KIF7: variants seen among roughly 807,000 people sequenced by gnomAD.
KIF7 encodes the protein kinesin-like protein KIF7.
In KIF7, 104 loss-of-function variants were observed where a neutral mutation model predicts 135.7. The observed-to-expected ratio is 0.77, with a 90% CI of 0.65 to 0.90. KIF7 has a LOEUF of 0.90. Among genes scored for constraint, KIF7 ranks in the 40% least tolerant of loss-of-function variants. KIF7 has a pLI of 0.00. For missense variants in KIF7, 2,005 were observed against 1,839.1 expected, an observed-to-expected ratio of 1.09 and a Z score of -1.65; for synonymous variants, 883 against 809.4, an observed-to-expected ratio of 1.09 and a Z score of -1.54.
In KIF7 at chr15:89,653,028, G is replaced by A. The variant is rs541432924; in HGVS notation, c.-24-74C>T. 2.1e-4 allele frequency: 251 copies of A among 1,196,090 alleles called. 1 individual carries two copies. Among genetic ancestry groups the A allele is most frequent in the East Asian group, 3.6e-4 (14 of 38,698 alleles). The allele number at this position is 1,196,090 out of a possible 1,614,324, so 74.1% of individuals were successfully genotyped here. On this transcript the variant is annotated intron_variant, in intron 1 of 18. Coordinates refer to ENST00000394412, the MANE Select transcript of KIF7 (RefSeq NM_198525.3). ...GCTGGACTCACCCTGCAGGGGACTC[G>A]AGCCAGATCCTGCAGCTCCTGACCT...
chr15:89,648,684 G>A lies in KIF7; in HGVS notation c.1014C>T (p.Asn338=), dbSNP rs1325314210. 1 of 1,536,064 alleles carries A rather than the reference G, an allele frequency of 6.5e-7. No individual in the cohort carries two copies. Among genetic ancestry groups the A allele is most frequent in the East Asian group, 2.4e-5 (1 of 40,892 alleles). The change falls in exon 5 of 19, where the codon AAC becomes AAT. Residue 338 remains asparagine (N), a synonymous_variant. Transcript: ENST00000394412. The part of the protein sequence containing the change: ...PSSSDFDETL[N]TLNYASRAQN... ...GGGCGCGGCTGGCGTAGTTGAGGGT[G>A]TTGAGGGTCTCGTCGAAGTCGGAGG...
At chr15:89,659,051 A>T (rs1005145641), upstream of KIF7, among the ~76,000 whole-genome samples, 1 of 152,126 alleles carries the variant, frequency 6.6e-6, no homozygotes, top group Non-Finnish European at 1.5e-5. Context: ...CAAAACTGCA[A>T]ACCACGAAGG....
intron 1 of KIF7, among the ~76,000 whole-genome samples, chr15:89,620,158 T>G (rs937190383): frequency 6.6e-6 from 1 of 152,180 alleles, no homozygotes; most frequent in Admixed American, 6.5e-5. Context: ...TATCTGTGTT[T>G]ACGTTCTTCA....
intron 1 of KIF7, among the ~76,000 whole-genome samples, chr15:89,619,540 C>T (rs971691959): frequency 1.3e-5 from 2 of 152,020 alleles, no homozygotes; most frequent in African/African-American, 4.8e-5. Flanking sequence ...TGTATCAAAC[C>T]CCTCTTAGTT....
chr15:89,642,269 A>G lies in KIF7; in HGVS notation c.2328T>C (p.Asp776=). 2 of 1,610,578 alleles carry G rather than the reference A, an allele frequency of 1.2e-6. No individual in the cohort carries two copies. The highest frequency in any genetic ancestry group is 1.7e-6 in the Non-Finnish European group (2 of 1,179,734). Residue 776 remains aspartate, a synonymous_variant, in exon 11 of 19, where the codon GAT becomes GAC. Coordinates refer to ENST00000394412, the MANE Select transcript of KIF7 (RefSeq NM_198525.3). ...CCTGGAGCCGAGACCGCTCGCCAGC[A>G]TCCTGGAGCTCCTTGCCCTCGAGCT... The part of the protein sequence containing the change: ...LRELEGKELQ[D]AGERSRLQEF...
At chr15:89,634,794 G>A (rs1056889770) in intron 11 of KIF7, among the ~76,000 whole-genome samples, 17 of 152,242 alleles carry the variant, frequency 1.1e-4, no homozygotes, top group Non-Finnish European at 2.4e-4. Context: ...AAACAAAGCA[G>A]CTGGGAAGCT....
At chr15:89,617,329 A>C (rs529520303) in intron 2 of KIF7, among the ~76,000 whole-genome samples, 1 of 152,158 alleles carries the variant, frequency 6.6e-6, no homozygotes, top group Non-Finnish European at 1.5e-5. Flanking sequence ...ATATATTTTT[A>C]ATTAAATTTT....
At chr15:89,646,525 G>A (rs1236980742) in intron 7 of KIF7, among the ~76,000 whole-genome samples, 4 of 152,128 alleles carry the variant, frequency 2.6e-5, no homozygotes, top group East Asian at 1.9e-4. Context: ...TGAGCTCTCC[G>A]TATGCAGAAG....
Position 89,632,978 on chromosome 15 carries a change from T to A in KIF7, c.2737A>T (p.Lys913Ter), listed in dbSNP as rs763217993. The A allele has an allele frequency of 8.1e-6, 12 of 1,487,720 alleles. No individual in the cohort carries two copies. In the African/African-American group the frequency reaches 1.2e-4, roughly 15 times the overall value. 92.2% of individuals were successfully genotyped at this position (1,487,720 alleles called of 1,614,324 possible). ...EQQQKIEEQK[K>*]WLDQEMEKVL... ...TTCTCCATCTCCTGGTCCAGCCACT[T>A]CTTCTGCTCCTCAATCTTCTAAGGA... Residue 913 changes from lysine (K) to a stop codon, truncating the protein, a stop_gained, in exon 14 of 19, where the codon AAG (lysine) becomes TAG (stop). Transcript: ENST00000394412. LOFTEE classifies it high-confidence loss of function.
intron 1 of KIF7, chr15:89,621,378 GT>G: frequency 6.3e-7 from 1 of 1,588,922 alleles, no homozygotes; most frequent in Non-Finnish European, 8.5e-7. Context: ...TATTGTTGCT[GT>G]TTTTGACTTG....
At chr15:89,630,523 G>A in intron 15 of KIF7, 30 bp from the exon 16 acceptor site, 1 of 1,509,904 alleles carries the variant, frequency 6.6e-7, no homozygotes, top group Non-Finnish European at 9.0e-7. Flanking sequence ...TGGAGGAACA[G>A]CACCCACTGC....
intron 11 of KIF7, among the ~76,000 whole-genome samples, chr15:89,638,284 G>A (rs1201591814): frequency 7.9e-6 from 1 of 127,024 alleles, no homozygotes; most frequent in Admixed American, 7.8e-5. Flanking sequence ...CATAGTGTTG[G>A]AAGTTCTGGC....
At position 89,648,612 on chromosome 15, in the gene KIF7, C is replaced by A; in HGVS notation, c.1086G>T (p.Glu362Asp). 6.5e-7 allele frequency: 1 copy of A among 1,533,308 alleles called. No homozygotes were observed. 95.0% of individuals were successfully genotyped at this position (1,533,308 alleles called of 1,614,324 possible). The change falls in exon 5 of 19, where the codon GAG (glutamate) becomes GAT (aspartate). Residue 362 changes from glutamate (E) to aspartate (D), a missense_variant. Physicochemically the swap from Glu to Asp is conservative, Grantham distance 45 (BLOSUM62 2). Coordinates refer to ENST00000394412, the MANE Select transcript of KIF7 (RefSeq NM_198525.3). ...RATVNWRPEA[E>D]RPPEETASGA... ...CGCTCGCCGTCTCTTCGGGTGGCCG[C>A]TCGGCCTCGGGCCGCCAGTTGACCG...
At chr15:89,645,491 C>A (rs759275368) in intron 8 of KIF7, 40 bp from the exon 9 acceptor site, 9 of 1,501,276 alleles carry the variant, frequency 6.0e-6, no homozygotes, top group Non-Finnish European at 8.2e-6. Flanking sequence ...CTCCCCAGCC[C>A]CTGCCCCAGC....
downstream of KIF7, chr15:89,625,198 T>TC (rs779514171): frequency 6.2e-7 from 1 of 1,613,562 alleles, no homozygotes; most frequent in South Asian, 1.1e-5. Context: ...CCCCCGCCTC[T>TC]CCCACAGCAC....
chr15:89,639,349 C>T (rs1156345030), intron 11 of KIF7, among the ~76,000 whole-genome samples: 2 of 149,030 alleles, frequency 1.3e-5, no homozygotes, highest in Admixed American at 1.3e-4. Flanking sequence ...TCAGAGTGAA[C>T]AGGCAACCTA....
At chr15:89,619,896 G>A (rs959739109) in intron 1 of KIF7, 1 of 1,545,006 alleles carries the variant, frequency 6.5e-7, no homozygotes, top group African/African-American at 1.4e-5. Flanking sequence ...GGTGAGAAGT[G>A]TTTTTGGGAA....
chr15:89,618,129 C>T (rs746919066), exon 2 of KIF7: 1 of 1,610,910 alleles, frequency 6.2e-7, no homozygotes, highest in Non-Finnish European at 8.5e-7. Context: ...ATGGAGTAAT[C>T]CTTGTGCATG....
rs1964064932 is a variant in KIF7 at position 89,648,661 on chromosome 15, G to C, written c.1037C>G (p.Ala346Gly). Residue 346 changes from alanine to glycine, a missense_variant, in exon 5 of 19, where the codon GCC (alanine) becomes GGC (glycine). Coordinates refer to ENST00000394412, the MANE Select transcript of KIF7 (RefSeq NM_198525.3). Reference protein sequence around the residue: ...TLNTLNYASRAQNIRNRATVN... With the variant: ...TLNTLNYASRGQNIRNRATVN... ...CGTGGCGCGGTTGCGGATGTTCTGG[G>C]CGCGGCTGGCGTAGTTGAGGGTGTT... 4 of 1,535,664 alleles carry C rather than the reference G, an allele frequency of 2.6e-6. No individual in the cohort carries two copies. The highest frequency in any genetic ancestry group is 2.0e-5 in the Admixed American group (1 of 50,944).
Sources: allele counts gnomAD v4.1 joint callset (sites outside exome capture counted in the v4.1 genomes callset), GRCh38; gene constraint gnomAD v4.1.1; transcripts MANE v1.5; gene names NCBI Gene and HGNC (gene_info 2026-07-23, HGNC 2026-07-21).